Variants in REXO1 observed in about 807,000 individuals in gnomAD.
REXO1 encodes the protein RNA exonuclease 1 homolog.
A neutral mutation model predicts 102.6 loss-of-function variants in REXO1; 42 were observed. That is an observed-to-expected ratio of 0.41 (90% CI 0.32 to 0.53). The LOEUF (loss-of-function observed/expected upper bound fraction) is 0.53. Ranked by LOEUF, REXO1 falls within the 20% of genes least tolerant of loss-of-function variation. The probability of loss-of-function intolerance (pLI) is 0.27; values close to 1 mark genes in which losing one functional copy is unlikely to be tolerated. For synonymous variants in REXO1, 908 were observed against 779.1 expected, an observed-to-expected ratio of 1.17 and a Z score of -2.76; for missense variants, 1,819 against 1,732.5, an observed-to-expected ratio of 1.05 and a Z score of -0.89.
chr19:1,819,799 C>T, intron 7 of REXO1, 135 bp downstream of exon 7: 1 of 978,648 alleles, frequency 1.0e-6, no homozygotes, highest in Non-Finnish European at 1.4e-6. Flanking sequence ...AGGCAGCCCC[C>T]CCACAGCACC....
intron 12 of REXO1, 39 bp downstream of exon 12, chr19:1,817,180 C>G (rs770360172): frequency 1.5e-5 from 24 of 1,606,294 alleles, no homozygotes; most frequent in Non-Finnish European, 2.0e-5. Flanking sequence ...CAGGTCCTCC[C>G]CAATCCTGAA....
Position 1,816,006 on chromosome 19 carries a change from G to T in REXO1, c.*60C>A, listed in dbSNP as rs1241593172. On this transcript the variant is annotated 3_prime_UTR_variant, in exon 16 of 16. Coordinates refer to ENST00000170168, the MANE Select transcript of REXO1 (RefSeq NM_020695.4). ...GGAGATTTATTGCACTGTTTTGGAA[G>T]AGGCATGGGGCTAAGGACCAGCGGG... 1 of 1,537,694 alleles carries T rather than the reference G, an allele frequency of 6.5e-7. No individual in the cohort carries two copies. Among genetic ancestry groups the T allele is most frequent in the Non-Finnish European group, 8.7e-7 (1 of 1,146,976 alleles).
At chr19:1,842,961 G>A (rs1424328470) in intron 1 of REXO1, among the ~76,000 whole-genome samples, 1 of 152,214 alleles carries the variant, frequency 6.6e-6, no homozygotes, top group Non-Finnish European at 1.5e-5. Context: ...AGAGCTGCCA[G>A]CACAATCCTG....
chr19:1,841,352 G>A (rs1417728746), intron 1 of REXO1, among the ~76,000 whole-genome samples: 5 of 152,210 alleles, frequency 3.3e-5, no homozygotes, highest in Non-Finnish European at 7.3e-5. Flanking sequence ...TCCTCTCTAG[G>A]GATTGCTTTG....
chr19:1,842,445 G>A (rs2145332595), intron 1 of REXO1, among the ~76,000 whole-genome samples: 1 of 152,358 alleles, frequency 6.6e-6, no homozygotes, highest in East Asian at 1.9e-4. Flanking sequence ...CATTCCCAAG[G>A]TGCAGAACCG....
At chr19:1,829,968 CG>C (rs1175021129) in intron 1 of REXO1, among the ~76,000 whole-genome samples, 2 of 152,088 alleles carry the variant, frequency 1.3e-5, no homozygotes, top group Non-Finnish European at 2.9e-5. Flanking sequence ...AATGTCTTCC[CG>C]GGGGGCAGCT....
rs373578633 is a variant in REXO1, at chr19:1,828,031, T to G, written c.758A>C (p.Glu253Ala). 1 of 1,612,812 alleles carries G rather than the reference T, an allele frequency of 6.2e-7. No homozygotes were observed. The highest frequency in any genetic ancestry group is 8.5e-7 in the Non-Finnish European group (1 of 1,179,700). Reference protein sequence around the residue: ...RHLSRASSRDERAAKRPRGSR... With the variant: ...RHLSRASSRDARAAKRPRGSR... ...GCCCCGGGGCCGCTTGGCGGCCCGC[T>G]CATCCCGGGAGCTGGCCCTGCTGAG... The change falls in exon 2 of 16, where the codon GAG (glutamate) becomes GCG (alanine). Residue 253 changes from glutamate to alanine, a missense_variant. Transcript: ENST00000170168.
intron 7 of REXO1, 89 bp downstream of exon 7, chr19:1,819,845 A>C: frequency 7.5e-7 from 1 of 1,326,188 alleles, no homozygotes; most frequent in Non-Finnish European, 1.0e-6. Flanking sequence ...GGCTGAGCTC[A>C]GGGCTGTGAA....
intron 8 of REXO1, 70 bp downstream of exon 8, chr19:1,818,948 T>TG: frequency 3.8e-6 from 6 of 1,571,476 alleles, no homozygotes; most frequent in Non-Finnish European, 5.2e-6. Context: ...AAGCACCGTG[T>TG]GGCACAGCAG....
intron 1 of REXO1, among the ~76,000 whole-genome samples, chr19:1,845,213 G>A (rs950166991): frequency 6.6e-6 from 1 of 152,212 alleles, no homozygotes; most frequent in Non-Finnish European, 1.5e-5. Context: ...GCCACTGGGG[G>A]GATAGTAACG....
At chr19:1,816,638 T>TGGGGGGGGGGGGG in intron 13 of REXO1, 60 bp downstream of exon 13, 1 of 275,658 alleles carries the variant, frequency 3.6e-6, no homozygotes, top group East Asian at 1.1e-4. Flanking sequence ...CGGGGGAGGG[T>TGGGGGGGGGGGGG]GGGTCCCTGG....
intron 1 of REXO1, among the ~76,000 whole-genome samples, chr19:1,845,850 G>A (rs1190060655): frequency 6.6e-6 from 1 of 152,134 alleles, no homozygotes; most frequent in Admixed American, 6.5e-5. Flanking sequence ...AACCCTGCCT[G>A]CCTTGGTGCC....
rs2069614755 is a variant in REXO1, at chr19:1,823,575, C to T, written c.2227G>A (p.Ala743Thr). 5 of 1,309,098 alleles carry T rather than the reference C, an allele frequency of 3.8e-6. No homozygotes were observed. Among genetic ancestry groups the T allele is most frequent in the South Asian group, 2.4e-5 (1 of 40,846 alleles). The allele number at this position is 1,309,098 out of a possible 1,614,324, so 81.1% of individuals were successfully genotyped here. A position where few individuals can be genotyped will look rare whatever the true frequency, so the allele number is the denominator to read the frequency against. The change falls in exon 4 of 16, where the codon GCA (alanine) becomes ACA (threonine). Residue 743 changes from alanine (A) to threonine (T), a missense_variant. By Grantham distance (58) the Ala-to-Thr change is moderately conservative (BLOSUM62 0). Transcript: ENST00000170168. ...IAHIPNPRLA[A>T]APTGAKRTLA... ...GGCCCCCTGGGCCAGGACTCACCTG[C>T]AGCCAGGCGGGGGTTGGGGATGTGG... is the stretch of plus-strand genomic sequence containing the variant.
intron 1 of REXO1, among the ~76,000 whole-genome samples, chr19:1,847,983 G>A (rs1022348820): frequency 2.6e-5 from 4 of 152,242 alleles, no homozygotes; most frequent in Non-Finnish European, 5.9e-5. Context: ...CGTCCTCCTA[G>A]TTGACATTTC....
At chr19:1,848,175 C>A in intron 1 of REXO1, 27 bp downstream of exon 1, 1 of 1,164,502 alleles carries the variant, frequency 8.6e-7, no homozygotes, top group South Asian at 4.3e-5. Context: ...GAGCCGAGCC[C>A]AAGGCAAGCA....
At position 1,826,972 on chromosome 19, in the gene REXO1, A is replaced by ACCTCCTTCTCCAGGG; in HGVS notation, c.1802_1816dup (p.Ala601_Glu605dup). ...CTCCATGGGGTCGGAGTCAAAGTCC[A>ACCTCCTTCTCCAGGG]CCTCCTTCTCCAGGGCCGAGTAGTC... On this transcript the variant is annotated inframe_insertion, in exon 2 of 16. Transcript: ENST00000170168. This position sits in a 1 kb window ranked among gnomAD's most constrained non-coding sequence, Gnocchi z 4.3. 2 of 1,555,480 alleles carry ACCTCCTTCTCCAGGG rather than the reference A, an allele frequency of 1.3e-6. No homozygotes were observed. The highest frequency in any genetic ancestry group is 8.7e-7 in the Non-Finnish European group (1 of 1,151,114).
chr19:1,820,722 G>T (rs1245116150), intron 5 of REXO1, among the ~76,000 whole-genome samples: 1 of 152,244 alleles, frequency 6.6e-6, no homozygotes, highest in Non-Finnish European at 1.5e-5. Context: ...GCCAAGCGTG[G>T]TGGCTCACGC....
chr19:1,847,456 A>T (rs1568724870), intron 1 of REXO1, among the ~76,000 whole-genome samples: 1 of 151,882 alleles, frequency 6.6e-6, no homozygotes, highest in African/African-American at 2.4e-5. Flanking sequence ...GGGAGTCTGA[A>T]TGACATCACA....
At position 1,827,519 on chromosome 19, in the gene REXO1, G is replaced by C; in HGVS notation, c.1270C>G (p.Arg424Gly). The change falls in exon 2 of 16, where the codon CGG becomes GGG. Residue 424 changes from arginine to glycine, a missense_variant. Arg to Gly is a moderately radical substitution (Grantham distance 125). Coordinates refer to ENST00000170168, the MANE Select transcript of REXO1 (RefSeq NM_020695.4). ...DKKGPQASSP[R>G]RKAERPEGTK... ...CCTTCCGGCCGCTCTGCCTTGCGCC[G>C]GGGGCTGCTGGCCTGCGGGCCCTTC... 1.3e-6 allele frequency: 2 copies of C among 1,581,148 alleles called. No homozygotes were observed. The highest frequency in any genetic ancestry group is 1.7e-6 in the Non-Finnish European group (2 of 1,173,148).
Sources: allele counts gnomAD v4.1 joint callset (sites outside exome capture counted in the v4.1 genomes callset), GRCh38; gene constraint gnomAD v4.1.1; non-coding constraint Gnocchi (gnomAD v3.1); transcripts MANE v1.5; gene names NCBI Gene and HGNC (gene_info 2026-07-23, HGNC 2026-07-21).